Variants in LTF observed in about 807,000 individuals in gnomAD.
LTF encodes the protein epididymis luminal protein 110.
LTF carries 91 observed loss-of-function variants against 87.2 expected under a neutral mutation model. That is an observed-to-expected ratio of 1.04 (90% CI 0.88 to 1.24). The LOEUF is 1.24. Ranked by LOEUF, LTF falls within the 50% of genes most tolerant of loss-of-function variation. The pLI is 0.00. For synonymous variants in LTF, 378 were observed against 356.1 expected, an observed-to-expected ratio of 1.06 and a Z score of -0.69; for missense variants, 901 against 904.3, an observed-to-expected ratio of 1.00 and a Z score of 0.05.
chr3:46,484,653 A>T (rs1356268566), intron 1 of LTF, among the ~76,000 whole-genome samples: 1 of 152,180 alleles, frequency 6.6e-6, no homozygotes. Flanking sequence ...TATTGTTGTC[A>T]ATCAAAATTA....
chr3:46,454,250 A>C (rs759767940), intron 6 of LTF, 55 bp downstream of exon 6: 7 of 1,500,096 alleles, frequency 4.7e-6, no homozygotes, highest in Non-Finnish European at 6.5e-6. Context: ...GGTCAGAGTC[A>C]TGATCAAGTA....
At chr3:46,483,624 G>A (rs1703479143) in intron 1 of LTF, among the ~76,000 whole-genome samples, 1 of 152,128 alleles carries the variant, frequency 6.6e-6, no homozygotes, top group Admixed American at 6.5e-5. Flanking sequence ...GGGAAGAGGG[G>A]CAAGAAAGTG....
chr3:46,437,565 C>T (rs1218701580), intron 16 of LTF, among the ~76,000 whole-genome samples: 1 of 152,086 alleles, frequency 6.6e-6, no homozygotes, highest in Non-Finnish European at 1.5e-5. Context: ...TCAAGCCATC[C>T]TCCCACCTCT....
At position 46,446,942 on chromosome 3, in the gene LTF, G is replaced by A. The variant is rs373113506; in HGVS notation, c.1303+366C>T. ...GCTTCCCTTGCAGGAGTAAGGGGGC[G>A]GGGGACAGGAGGACATAAGGGGCTT... On this transcript the variant is annotated intron_variant, in intron 10 of 16. Coordinates refer to ENST00000231751, the MANE Select transcript of LTF (RefSeq NM_002343.6). Among the ~76,000 whole-genome samples the A allele has an allele frequency of 4.6e-5, 7 of 152,266 alleles. No homozygotes were observed. The South Asian group carries it at 1.5e-3, about 32-fold the overall frequency.
rs934572568 is a variant in LTF, at chr3:46,456,289, C to A, written c.316+1G>T. 16 of 1,613,720 alleles carry A rather than the reference C, an allele frequency of 9.9e-6. No homozygotes were observed. The highest frequency in any genetic ancestry group is 1.4e-5 in the Non-Finnish European group (16 of 1,179,668). On this transcript the variant is annotated splice_donor_variant, in intron 3 of 16. Coordinates refer to ENST00000231751, the MANE Select transcript of LTF (RefSeq NM_002343.6). LOFTEE classifies it high-confidence loss of function. Reference sequence around the variant, plus strand: ...CCTCTGGGTCCCCAGGCAGAACTCACGTCTTTCGGTCCCGTAGACTTCCGC... The same window carrying A: ...CCTCTGGGTCCCCAGGCAGAACTCAAGTCTTTCGGTCCCGTAGACTTCCGC...
intron 5 of LTF, 129 bp downstream of exon 5, chr3:46,455,166 C>A: frequency 9.1e-7 from 1 of 1,097,184 alleles, no homozygotes; most frequent in Non-Finnish European, 1.3e-6. Flanking sequence ...GGACACACAG[C>A]AGTAGGAGAA....
intron 15 of LTF, among the ~76,000 whole-genome samples, chr3:46,438,564 C>T (rs773290049): frequency 5.3e-5 from 8 of 152,202 alleles, no homozygotes; most frequent in East Asian, 1.9e-4. Context: ...GTGTGCAGGT[C>T]GGTCACCCTG....
Position 46,446,459 on chromosome 3 carries a change from A to G in LTF, c.1338T>C (p.Cys446=), listed in dbSNP as rs1383194294. The G allele has an allele frequency of 1.2e-6, 2 of 1,613,788 alleles. No individual in the cohort carries two copies. Among genetic ancestry groups the G allele is most frequent in the East Asian group, 4.5e-5 (2 of 44,882 alleles). The change falls in exon 11 of 17, where the codon TGT becomes TGC. Residue 446 remains cysteine (C), a synonymous_variant. Coordinates refer to ENST00000231751, the MANE Select transcript of LTF (RefSeq NM_002343.6). The stretch of plus-strand genomic sequence containing the variant: ...ACTCACCTTCCACAGGTCTATCCAC[A>G]CAGTTAGGATCAGGGTCACTGCTTT... The part of the protein sequence containing the change: ...SQQSSDPDPN[C]VDRPVEGYLA...
Position 46,448,970 on chromosome 3 carries a change from C to T in LTF, c.1105G>A (p.Val369Met), listed in dbSNP as rs752007553. The T allele has an allele frequency of 8.1e-6, 13 of 1,613,518 alleles. No individual in the cohort carries two copies. Among genetic ancestry groups the T allele is most frequent in the Non-Finnish European group, 1.1e-5 (13 of 1,179,906 alleles). ...CACTTGCGCAGCTCCTGCTCGCCCA[C>T]CGCACACCACACGACCCGCGCACGC... Reference protein sequence around the residue: ...ARRARVVWCAVGEQELRKCNQ... With the variant: ...ARRARVVWCAMGEQELRKCNQ... Residue 369 changes from valine (V) to methionine (M), a missense_variant, in exon 9 of 17, where the codon GTG (valine) becomes ATG (methionine). Coordinates refer to ENST00000231751, the MANE Select transcript of LTF (RefSeq NM_002343.6).
At chr3:46,451,667 T>C (rs1464925067) in intron 6 of LTF, among the ~76,000 whole-genome samples, 2 of 152,214 alleles carry the variant, frequency 1.3e-5, no homozygotes, top group Admixed American at 6.5e-5. Flanking sequence ...CGATCTCAGC[T>C]CACTGCATCC....
intron 1 of LTF, among the ~76,000 whole-genome samples, chr3:46,471,843 C>G (rs1322802353): frequency 6.6e-6 from 1 of 152,126 alleles, no homozygotes; most frequent in African/African-American, 2.4e-5. Flanking sequence ...GCAAGGGCAC[C>G]GGGAGAGTAT....
At chr3:46,468,328 A>C, upstream of LTF, 1 of 456,740 alleles carries the variant, frequency 2.2e-6, no homozygotes. Context: ...GCCTGCAGGG[A>C]AGCAGAATGC....
chr3:46,436,046 C>A lies in LTF; in HGVS notation c.*149G>T. ...ACAAAATTTCTCATTTTACTTCTTG[C>A]TAAGACGACAGCAGGGAATTGTAAG... On this transcript the variant is annotated 3_prime_UTR_variant, in exon 17 of 17. Transcript: ENST00000231751. The A allele has an allele frequency of 1.4e-6, 1 of 716,348 alleles. No individual in the cohort carries two copies. The allele number at this position is 716,348 out of a possible 1,614,324, so 44.4% of individuals were successfully genotyped here. A position where few individuals can be genotyped will look rare whatever the true frequency, so the allele number is the denominator to read the frequency against.
chr3:46,456,401 G>T lies in LTF; in HGVS notation c.208-3C>A, dbSNP rs781209838. The T allele has an allele frequency of 6.2e-7, 1 of 1,612,794 alleles. No individual in the cohort carries two copies. Among genetic ancestry groups the T allele is most frequent in the East Asian group, 2.2e-5 (1 of 44,876 alleles). On this transcript the variant is annotated splice_region_variant and splice_polypyrimidine_tract_variant and intron_variant, in intron 2 of 16. Transcript: ENST00000231751. Reference sequence around the variant, plus strand: ...GTCACAGCATCGGCCCTGTTTTCCTGAAAGTAAAGAGGCCAGACTGGCTTC... The same window carrying T: ...GTCACAGCATCGGCCCTGTTTTCCTTAAAGTAAAGAGGCCAGACTGGCTTC...
At chr3:46,468,667 T>C (rs919134058), upstream of LTF, among the ~76,000 whole-genome samples, 4 of 152,162 alleles carry the variant, frequency 2.6e-5, no homozygotes, top group African/African-American at 9.7e-5. Context: ...GAGATCTGAG[T>C]AGAACTGGCT....
upstream of LTF, among the ~76,000 whole-genome samples, chr3:46,467,744 G>A (rs962818848): frequency 2.7e-5 from 4 of 150,444 alleles, no homozygotes; most frequent in Non-Finnish European, 1.5e-5. Flanking sequence ...TTGACCTCCT[G>A]GGCCCAAGCG....
At chr3:46,470,505 G>C (rs890780064) in intron 1 of LTF, 2 of 152,420 alleles carry the variant, frequency 1.3e-5, no homozygotes, top group African/African-American at 4.8e-5. Context: ...CACTCAGTAG[G>C]AGCCTGAGAT....
At chr3:46,440,146 T>C (rs1222535698) in intron 14 of LTF, among the ~76,000 whole-genome samples, 1 of 152,244 alleles carries the variant, frequency 6.6e-6, no homozygotes, top group Admixed American at 6.5e-5. Context: ...TTGTACACTT[T>C]GCATGGGTGG....
In LTF at chr3:46,456,582, G is replaced by A. The variant is rs543084751; in HGVS notation, c.208-184C>T. The stretch of plus-strand genomic sequence containing the variant: ...AAGGACCCCTGTTTTGGGACAGTGA[G>A]CACCAGCCCTCTAAGTCCTGAGACT... On this transcript the variant is annotated intron_variant, in intron 2 of 16. Coordinates refer to ENST00000231751, the MANE Select transcript of LTF (RefSeq NM_002343.6). 7.2e-5 allele frequency among the ~76,000 whole-genome samples: 11 copies of A among 152,248 alleles called. No homozygotes were observed. In the East Asian group the frequency reaches 1.7e-3, roughly 24 times the overall value.
Sources: gnomAD v4.1 joint callset for allele counts (sites outside exome capture counted in the v4.1 genomes callset) on GRCh38, gnomAD v4.1.1 for gene constraint, MANE v1.5 for transcripts, NCBI Gene and HGNC (gene_info 2026-07-23, HGNC 2026-07-21) for gene names.